Variants in DLGAP4 observed in about 807,000 individuals in gnomAD.
DLGAP4 encodes disks large-associated protein 4.
DLGAP4 carries 18 observed loss-of-function variants against 86.9 expected under a neutral mutation model. That is an observed-to-expected ratio of 0.21 (90% CI 0.14 to 0.31). DLGAP4 has a LOEUF of 0.31. Among genes scored for constraint, DLGAP4 ranks in the 10% least tolerant of loss-of-function variants. DLGAP4 has a pLI of 1.00. For synonymous variants in DLGAP4, 548 were observed against 574.3 expected, an observed-to-expected ratio of 0.95 and a Z score of 0.65; for missense variants, 1,085 against 1,362.6, an observed-to-expected ratio of 0.80 and a Z score of 3.21.
chr20:36,490,514 C>G (rs1339304243), intron 7 of DLGAP4, among the ~76,000 whole-genome samples: 1 of 152,184 alleles, frequency 6.6e-6, no homozygotes, highest in South Asian at 2.1e-4. Flanking sequence ...AGCCTTTTCC[C>G]TAGCTTGGCA....
At chr20:36,461,677 GGCCCT>G (rs1170086084) in intron 7 of DLGAP4, 41 of 49,056 alleles carry the variant, frequency 8.4e-4, no homozygotes, top group African/African-American at 1.8e-3. Flanking sequence ...GGCCCGGCCC[GGCCCT>G]GCCCCGCCCC....
intron 10 of DLGAP4, among the ~76,000 whole-genome samples, chr20:36,503,173 G>A (rs907687871): frequency 1.3e-5 from 2 of 152,190 alleles, no homozygotes; most frequent in Non-Finnish European, 1.5e-5. Flanking sequence ...GGACTTCCTC[G>A]AAGGTTTTCT....
At chr20:36,406,923 G>T (rs1184732673) in intron 2 of DLGAP4, among the ~76,000 whole-genome samples, 1 of 152,114 alleles carries the variant, frequency 6.6e-6, no homozygotes, top group East Asian at 1.9e-4. Flanking sequence ...TTAGGGGCCC[G>T]ATGAGGACCA....
intron 2 of DLGAP4, among the ~76,000 whole-genome samples, chr20:36,412,848 C>T (rs929328755): frequency 1.3e-5 from 2 of 152,218 alleles, no homozygotes; most frequent in South Asian, 2.1e-4. Context: ...CCAGGTGAAA[C>T]GCCTTTTAAA....
At chr20:36,411,643 G>T (rs1198303881) in intron 2 of DLGAP4, among the ~76,000 whole-genome samples, 2 of 152,260 alleles carry the variant, frequency 1.3e-5, no homozygotes, top group African/African-American at 4.8e-5. Flanking sequence ...GGCCTTTGGG[G>T]TCTCCTCTAT....
chr20:36,361,978 C>CAAAA (rs545997891), intron 1 of DLGAP4, among the ~76,000 whole-genome samples: 3 of 48,400 alleles, frequency 6.2e-5, no homozygotes, highest in African/African-American at 7.2e-5. Context: ...GATTCTGTCT[C>CAAAA]AAAAAAAAAA....
At chr20:36,452,115 A>G (rs1770942148) in intron 7 of DLGAP4, among the ~76,000 whole-genome samples, 1 of 152,080 alleles carries the variant, frequency 6.6e-6, no homozygotes, top group South Asian at 2.1e-4. Flanking sequence ...GAGTTGACAA[A>G]TTTATTTTCC....
At chr20:36,341,916 C>A (rs2065387040) in intron 1 of DLGAP4, among the ~76,000 whole-genome samples, 1 of 152,226 alleles carries the variant, frequency 6.6e-6, no homozygotes, top group Admixed American at 6.5e-5. Flanking sequence ...GCTGGCAGAG[C>A]AGGCTCAGCT....
chr20:36,506,015 T>A (rs1163335033), intron 10 of DLGAP4, among the ~76,000 whole-genome samples: 3 of 152,188 alleles, frequency 2.0e-5, no homozygotes, highest in African/African-American at 7.2e-5. Context: ...TATTTCACCA[T>A]ATATTCAATA....
intron 7 of DLGAP4, among the ~76,000 whole-genome samples, chr20:36,464,281 T>C (rs1487357704): frequency 6.6e-6 from 1 of 152,178 alleles, no homozygotes; most frequent in Non-Finnish European, 1.5e-5. Context: ...TCAAGAATTG[T>C]GTGAGCAGCG....
intron 7 of DLGAP4, among the ~76,000 whole-genome samples, chr20:36,491,776 AAAT>A (rs1226839061): frequency 2.0e-5 from 3 of 152,202 alleles, no homozygotes; most frequent in Non-Finnish European, 4.4e-5. Context: ...CTATATGGCC[AAAT>A]AATCTGGGTT....
At chr20:36,335,532 C>G (rs782047269) in intron 1 of DLGAP4, among the ~76,000 whole-genome samples, 1 of 152,070 alleles carries the variant, frequency 6.6e-6, no homozygotes, top group Non-Finnish European at 1.5e-5. Context: ...TTGTGACTGT[C>G]GAGACTGTGG....
chr20:36,446,168 G>C (rs2033587103), intron 6 of DLGAP4, among the ~76,000 whole-genome samples: 1 of 152,120 alleles, frequency 6.6e-6, no homozygotes, highest in Non-Finnish European at 1.5e-5. Flanking sequence ...TGTATAAGAG[G>C]GCTAGATTAA....
chr20:36,363,327 G>A (rs1017398929), intron 1 of DLGAP4, among the ~76,000 whole-genome samples: 3 of 152,184 alleles, frequency 2.0e-5, no homozygotes, highest in Admixed American at 6.5e-5. Flanking sequence ...TGAGGCCATG[G>A]GGAGTGTGGA....
At chr20:36,427,507 G>A (rs879500439) in intron 2 of DLGAP4, among the ~76,000 whole-genome samples, 5 of 151,398 alleles carry the variant, frequency 3.3e-5, no homozygotes, top group Non-Finnish European at 7.4e-5. Context: ...GGGAGGGAAG[G>A]AAGGAAGGAA....
chr20:36,388,648 TG>T (rs2031684472), intron 2 of DLGAP4, among the ~76,000 whole-genome samples: 1 of 152,218 alleles, frequency 6.6e-6, no homozygotes, highest in Non-Finnish European at 1.5e-5. Context: ...TGTGTGACTC[TG>T]GGAAAGGCAG....
intron 2 of DLGAP4, among the ~76,000 whole-genome samples, chr20:36,430,648 CAAAAAA>C (rs5841233): frequency 6.8e-5 from 4 of 58,970 alleles, no homozygotes; most frequent in East Asian, 4.7e-4. Flanking sequence ...GACCTTGTTG[CAAAAAA>C]AAAAAAAAAA....
chr20:36,512,931 C>CCT (rs2036795196), intron 10 of DLGAP4, among the ~76,000 whole-genome samples: 9 of 23,530 alleles, frequency 3.8e-4, no homozygotes, highest in South Asian at 1.6e-3. Context: ...CTCAGAGGCC[C>CCT]TTTTTTTTTT....
At chr20:36,434,779 C>T (rs2033224604) in intron 3 of DLGAP4, among the ~76,000 whole-genome samples, 1 of 152,094 alleles carries the variant, frequency 6.6e-6, no homozygotes, top group Admixed American at 6.5e-5. Context: ...GGAAAGTGGG[C>T]CTCTGACACA....
Sources: allele counts gnomAD v4.1 joint callset (sites outside exome capture counted in the v4.1 genomes callset), GRCh38; gene constraint gnomAD v4.1.1; transcripts MANE v1.5; gene names NCBI Gene and HGNC (gene_info 2026-07-23, HGNC 2026-07-21).